Variants in SMS observed in about 807,000 individuals in gnomAD.
SMS encodes spermidine aminopropyltransferase.
A neutral mutation model predicts 33.0 loss-of-function variants in SMS; 3 were observed. That is an observed-to-expected ratio of 0.09 (90% CI 0.04 to 0.23). The LOEUF (loss-of-function observed/expected upper bound fraction) is 0.23, where lower values mean the gene tolerates loss of function less well. Ranked by LOEUF, SMS falls within the 10% of genes least tolerant of loss-of-function variation. The pLI, the probability that SMS is intolerant of heterozygous loss-of-function variation, is 1.00. For synonymous variants in SMS, 103 were observed against 112.2 expected (o/e 0.92, Z 0.52); for missense variants, 117 against 288.6 (o/e 0.41, Z 4.31).
intron 7 of SMS, among the ~76,000 whole-genome samples, chrX:21,980,429 A>AATATATATATATATAT (rs1187267102): frequency 1.6e-5 from 1 of 63,047 alleles, no homozygotes; most frequent in Non-Finnish European, 3.1e-5. Context: ...AAAAAAAAAA[A>AATATATATATATATAT]ATATATATAT....
rs529257162 is a variant in SMS, at chrX:21,965,101, C to T, written c.50-2095C>T. On this transcript the variant is annotated intron_variant, in intron 1 of 10. Coordinates refer to ENST00000404933, the MANE Select transcript of SMS (RefSeq NM_004595.5). The stretch of plus-strand genomic sequence containing the variant: ...TTTCTCCCTGTATCTTCTCTTCTGT[C>T]TCTTATAAGGGCACTTGTCATTGGG... Among the ~76,000 whole-genome samples the T allele has an allele frequency of 1.7e-4, 19 of 111,737 alleles. No individual in the cohort carries two copies. In the South Asian group the frequency reaches 6.8e-3, roughly 40 times the overall value.
chrX:21,951,226 T>G (rs1372398657), intron 1 of SMS, among the ~76,000 whole-genome samples: 5 of 112,739 alleles, frequency 4.4e-5, no homozygotes, highest in Non-Finnish European at 9.4e-5. Flanking sequence ...ATATGTTTGT[T>G]GGCTGCATAA....
chrX:21,968,190 G>T (rs1314163540), intron 2 of SMS, among the ~76,000 whole-genome samples: 1 of 112,645 alleles, frequency 8.9e-6, no homozygotes, highest in Non-Finnish European at 1.9e-5. Context: ...GTGCTGCAGG[G>T]CCCCAGGGGC....
At chrX:21,943,121 A>G (rs1011627908) in intron 1 of SMS, among the ~76,000 whole-genome samples, 5 of 111,836 alleles carry the variant, frequency 4.5e-5, no homozygotes, top group African/African-American at 1.6e-4. Context: ...GGCTGGGATT[A>G]CAGGCATGAG....
At chrX:21,944,464 G>A (rs1347133437) in intron 1 of SMS, among the ~76,000 whole-genome samples, 1 of 97,420 alleles carries the variant, frequency 1.0e-5, no homozygotes, top group Non-Finnish European at 2.0e-5. Flanking sequence ...GGGAGGCGAA[G>A]CGCTTGAGCC....
intron 6 of SMS, 21 bp downstream of exon 6, chrX:21,978,135 G>T: frequency 8.4e-7 from 1 of 1,194,002 alleles, no homozygotes; most frequent in Non-Finnish European, 1.1e-6. Context: ...TTGTATAAGA[G>T]AACAAGTTCA....
chrX:21,972,457 C>T, intron 3 of SMS, 50 bp from the exon 4 acceptor site: 3 of 865,285 alleles, frequency 3.5e-6, no homozygotes, highest in Non-Finnish European at 5.1e-6. Flanking sequence ...TAATTTAGTT[C>T]TTCCATGCAG....
In SMS at chrX:21,969,168, C is replaced by T. The variant is rs952013290; in HGVS notation, c.170+1852C>T. On this transcript the variant is annotated intron_variant, in intron 2 of 10. Coordinates refer to ENST00000404933, the MANE Select transcript of SMS (RefSeq NM_004595.5). ...CTTCCACTATTCTCTCTATAAGTCT[C>T]CATGGCCAACCCCTGTGGCATTAAT... is the stretch of plus-strand genomic sequence containing the variant. Among the ~76,000 whole-genome samples the T allele has an allele frequency of 1.8e-4, 20 of 111,644 alleles. 2 individuals are homozygous for T. In the Admixed American group the frequency reaches 1.8e-3, roughly 10 times the overall value.
At chrX:21,979,159 C>T (rs766746230) in intron 7 of SMS, among the ~76,000 whole-genome samples, 193 bp downstream of exon 7, 1 of 104,486 alleles carries the variant, frequency 9.6e-6, no homozygotes, top group Non-Finnish European at 2.0e-5. Flanking sequence ...GCACCAACTC[C>T]AGATTCTCTG....
chrX:21,941,601 A>G (rs1169719874), intron 1 of SMS, among the ~76,000 whole-genome samples: 1 of 109,412 alleles, frequency 9.1e-6, no homozygotes, highest in Non-Finnish European at 1.9e-5. Context: ...ATCAAAAGAC[A>G]GCCGGCCGGG....
At chrX:21,978,249 T>C in intron 6 of SMS, 135 bp downstream of exon 6, 2 of 592,031 alleles carry the variant, frequency 3.4e-6, no homozygotes, top group Non-Finnish European at 5.8e-6. Context: ...ACAGACAATT[T>C]AGTAACAGTA....
rs767617528 is a variant in SMS, at chrX:21,971,963, T to C, written c.237T>C (p.Asp79=). ...TGGACCTTCAGAGTTATGATGGTGATGCGCAAGGCAAAGAAGAGATCGACA... is the reference window on the plus strand; with the variant it reads ...TGGACCTTCAGAGTTATGATGGTGACGCGCAAGGCAAAGAAGAGATCGACA... The part of the protein sequence containing the change: ...VLLDLQSYDG[D]AQGKEEIDSI... Residue 79 remains aspartate, a synonymous_variant, in exon 3 of 11, where the codon GAT becomes GAC. Transcript: ENST00000404933. 1.7e-6 allele frequency: 2 copies of C among 1,197,517 alleles called. No individual in the cohort carries two copies. The highest frequency in any genetic ancestry group is 2.3e-6 in the Non-Finnish European group (2 of 883,832).
In SMS at chrX:21,941,467, G is replaced by C. The variant is rs755216610; in HGVS notation, c.49+594G>C. On this transcript the variant is annotated intron_variant, in intron 1 of 10. Coordinates refer to ENST00000404933, the MANE Select transcript of SMS (RefSeq NM_004595.5). ...GCGCTTGCAGAATTCTCAGCCGACT[G>C]CGTAGGAGACGGATCCCCCGGAAAG... 4.1e-4 allele frequency: 57 copies of C among 138,584 alleles called. No homozygotes were observed. The South Asian group carries it at 6.8e-3, about 16-fold the overall frequency. 11.4% of individuals were successfully genotyped at this position (138,584 alleles called of 1,213,427 possible).
chrX:21,953,316 G>C (rs761722968), intron 1 of SMS, among the ~76,000 whole-genome samples: 2 of 107,452 alleles, frequency 1.9e-5, no homozygotes, highest in East Asian at 3.0e-4. Flanking sequence ...ATCTGTGCAG[G>C]GGGGAGCATA....
intron 1 of SMS, among the ~76,000 whole-genome samples, chrX:21,962,172 T>C (rs925917805): frequency 4.6e-4 from 51 of 111,759 alleles, no homozygotes; most frequent in African/African-American, 1.4e-3. Context: ...TGACATTTAG[T>C]GGGTATGGCT....
At chrX:21,975,296 C>G (rs1304991423) in intron 4 of SMS, among the ~76,000 whole-genome samples, 1 of 111,067 alleles carries the variant, frequency 9.0e-6, no homozygotes, top group African/African-American at 3.3e-5. Flanking sequence ...GCATTTACAT[C>G]CTGTTAAGAT....
chrX:21,993,499 G>A (rs748587600), intron 10 of SMS, among the ~76,000 whole-genome samples: 205 of 112,701 alleles, frequency 1.8e-3, no homozygotes, highest in African/African-American at 6.4e-3. Flanking sequence ...TTCCTGTGAC[G>A]GCAGGGTTTT....
At chrX:21,969,369 C>T (rs1210865909) in intron 2 of SMS, among the ~76,000 whole-genome samples, 1 of 112,143 alleles carries the variant, frequency 8.9e-6, no homozygotes. Flanking sequence ...CTCCTCTCCC[C>T]TGTGTCCTTT....
intron 9 of SMS, among the ~76,000 whole-genome samples, chrX:21,988,723 T>A (rs1417199235): frequency 9.5e-6 from 1 of 105,574 alleles, no homozygotes; most frequent in African/African-American, 3.4e-5. Context: ...ATGAAAATGT[T>A]GTGTTTTACA....
Sources: allele counts gnomAD v4.1 joint callset (sites outside exome capture counted in the v4.1 genomes callset), GRCh38; gene constraint gnomAD v4.1.1; transcripts MANE v1.5; gene names NCBI Gene and HGNC (gene_info 2026-07-23, HGNC 2026-07-21).